TMTC4: variants seen among roughly 807,000 people sequenced by gnomAD.
The protein encoded by TMTC4 is transmembrane O-mannosyltransferase targeting cadherins 4, also known as protein O-mannosyl-transferase TMTC4.
TMTC4 carries 65 observed loss-of-function variants against 86.0 expected under a neutral mutation model. The ratio of observed to expected loss-of-function variants is 0.76; its 90% confidence interval spans 0.62 to 0.93. The LOEUF (loss-of-function observed/expected upper bound fraction) is 0.93. Among genes scored for constraint, TMTC4 ranks in the 40% least tolerant of loss-of-function variants. The probability of loss-of-function intolerance (pLI) is 0.00; values close to 1 mark genes in which losing one functional copy is unlikely to be tolerated. For synonymous variants in TMTC4, 379 were observed against 382.5 expected (o/e 0.99, Z 0.11); for missense variants, 866 against 948.1 (o/e 0.91, Z 1.14).
chr13:100,638,102 C>G (rs772276295), intron 7 of TMTC4, 80 bp from the exon 8 acceptor site: 280 of 1,082,850 alleles, frequency 2.6e-4, no homozygotes, highest in Non-Finnish European at 3.5e-4. Flanking sequence ...AATTTCATTA[C>G]TCAATCTAGA....
chr13:100,668,666 T>C lies in TMTC4; in HGVS notation c.132A>G (p.Val44=). 6.2e-7 allele frequency: 1 copy of C among 1,614,222 alleles called. No homozygotes were observed. Among genetic ancestry groups the C allele is most frequent in the Middle Eastern group, 1.6e-4 (1 of 6,062 alleles). The change falls in exon 3 of 19, where the codon GTA becomes GTG. Residue 44 remains valine (V), a synonymous_variant. Coordinates refer to ENST00000342624, the MANE Select transcript of TMTC4 (RefSeq NM_032813.5). ...SVLPPFWAKL[V]VGSVAIVCFA... ...AACACACAATGGCAACCGATCCCAC[T>C]ACTAACTTAGCCCAGAATGGAGGAA...
At chr13:100,651,747 TC>T (rs1166540542) in intron 6 of TMTC4, among the ~76,000 whole-genome samples, 2 of 152,202 alleles carry the variant, frequency 1.3e-5, no homozygotes, top group Non-Finnish European at 2.9e-5. Flanking sequence ...AATTTTTTGT[TC>T]CCTTATAATA....
At chr13:100,641,384 C>T (rs1424699920) in intron 7 of TMTC4, among the ~76,000 whole-genome samples, 1 of 152,108 alleles carries the variant, frequency 6.6e-6, no homozygotes, top group Non-Finnish European at 1.5e-5. Context: ...CCATAGGTAA[C>T]CGCTGGGGGT....
intron 17 of TMTC4, among the ~76,000 whole-genome samples, chr13:100,607,889 G>A (rs192107521): frequency 6.6e-6 from 1 of 152,258 alleles, no homozygotes; most frequent in East Asian, 1.9e-4. Flanking sequence ...AGTTTCAGGG[G>A]CTGAAACTCC....
intron 15 of TMTC4, among the ~76,000 whole-genome samples, chr13:100,615,837 A>C (rs1878396673): frequency 6.6e-6 from 1 of 152,184 alleles, no homozygotes; most frequent in South Asian, 2.1e-4. Context: ...TTGTGATAGA[A>C]ATGATCCTGT....
chr13:100,670,229 C>T, intron 2 of TMTC4, 131 bp downstream of exon 2: 2 of 988,832 alleles, frequency 2.0e-6, no homozygotes, highest in Non-Finnish European at 2.9e-6. Context: ...TTCTGGATCT[C>T]TAAGTGGATA....
intron 5 of TMTC4, among the ~76,000 whole-genome samples, chr13:100,662,020 GACA>G (rs1885838302): frequency 6.6e-6 from 1 of 152,028 alleles, no homozygotes; most frequent in Non-Finnish European, 1.5e-5. Context: ...GGCGGTTCCT[GACA>G]ACTTCACAAA....
intron 17 of TMTC4, among the ~76,000 whole-genome samples, chr13:100,609,995 T>C (rs1025377232): frequency 1.3e-5 from 2 of 152,194 alleles, no homozygotes; most frequent in Non-Finnish European, 2.9e-5. Context: ...AAATGAGAGA[T>C]GCATTTGATC....
chr13:100,628,566 T>C (rs2010914), intron 12 of TMTC4, among the ~76,000 whole-genome samples: 49,213 of 151,928 alleles, frequency 0.32, 9,348 homozygotes, highest in Admixed American at 0.51. Context: ...GGTACTAACA[T>C]GGATAGTTTT....
At chr13:100,606,213 T>A (rs1316021188) in intron 18 of TMTC4, 145 bp downstream of exon 18, 2 of 739,726 alleles carry the variant, frequency 2.7e-6, no homozygotes, top group Non-Finnish European at 4.6e-6. Context: ...CACTTTGCTA[T>A]CTTTTTAATG....
At chr13:100,621,745 T>C (rs1180436970) in intron 15 of TMTC4, among the ~76,000 whole-genome samples, 1 of 152,228 alleles carries the variant, frequency 6.6e-6, no homozygotes, top group Non-Finnish European at 1.5e-5. Context: ...TTCTTATGAA[T>C]ACCAAGTCTC....
intron 6 of TMTC4, among the ~76,000 whole-genome samples, chr13:100,654,593 A>G (rs1013688083): frequency 1.3e-5 from 2 of 152,006 alleles, no homozygotes; most frequent in Non-Finnish European, 1.5e-5. Context: ...TATATGTAAT[A>G]TATATTAATA....
At chr13:100,653,480 G>A (rs561835654) in intron 6 of TMTC4, among the ~76,000 whole-genome samples, 15 of 152,310 alleles carry the variant, frequency 9.8e-5, no homozygotes, top group Admixed American at 7.2e-4. Flanking sequence ...TGAAGTGACA[G>A]AGGGTGGGTC....
chr13:100,656,241 A>G (rs1470510441), intron 6 of TMTC4, 140 bp downstream of exon 6: 7 of 620,438 alleles, frequency 1.1e-5, no homozygotes, highest in Middle Eastern at 4.4e-4. Context: ...ATCTAAAGAG[A>G]GTTTATGCAT....
At chr13:100,654,696 T>C (rs1884860351) in intron 6 of TMTC4, among the ~76,000 whole-genome samples, 1 of 152,202 alleles carries the variant, frequency 6.6e-6, no homozygotes, top group South Asian at 2.1e-4. Context: ...TCTGTGAGAA[T>C]ACACCATTAA....
chr13:100,661,612 C>G (rs1294300386), intron 5 of TMTC4, among the ~76,000 whole-genome samples: 1 of 152,130 alleles, frequency 6.6e-6, no homozygotes, highest in Non-Finnish European at 1.5e-5. Flanking sequence ...GAGCTTATAA[C>G]TAAATTTTTA....
Position 100,636,539 on chromosome 13 carries a change from TGTGGCC to T in TMTC4, c.1189_1194del (p.Gly397_His398del), listed in dbSNP as rs1474841908. 6.2e-7 allele frequency: 1 copy of T among 1,614,234 alleles called. No individual in the cohort carries two copies. Among genetic ancestry groups the T allele is most frequent in the East Asian group, 2.2e-5 (1 of 44,894 alleles). On this transcript the variant is annotated inframe_deletion, in exon 10 of 19. Transcript: ENST00000342624. ...TTCAGTGCTGCCTCTTACCTTCTCT[TGTGGCC>T]GTCTTCAGAGCACAGGGCTTGGCAT...
At chr13:100,672,780 C>T (rs948373039) in intron 1 of TMTC4, among the ~76,000 whole-genome samples, 18 of 152,174 alleles carry the variant, frequency 1.2e-4, no homozygotes, top group Non-Finnish European at 2.1e-4. Flanking sequence ...GTGTGAACCA[C>T]CGTGCCCGGC....
At chr13:100,611,547 T>C (rs1409913329) in intron 17 of TMTC4, among the ~76,000 whole-genome samples, 3 of 152,078 alleles carry the variant, frequency 2.0e-5, no homozygotes, top group Non-Finnish European at 1.5e-5. Flanking sequence ...ATGGCGCCAC[T>C]GCACTCCAGC....
Sources: gnomAD v4.1 joint callset for allele counts (sites outside exome capture counted in the v4.1 genomes callset) on GRCh38, gnomAD v4.1.1 for gene constraint, MANE v1.5 for transcripts, NCBI Gene and HGNC (gene_info 2026-07-23, HGNC 2026-07-21) for gene names.